Variants in TAF13 observed in about 807,000 individuals in gnomAD.
TAF13 encodes the protein TATA-box binding protein associated factor 13, also known as transcription initiation factor TFIID subunit 13.
Under a neutral mutation model 18.7 loss-of-function variants are expected in TAF13, and 9 were observed. The observed-to-expected ratio is 0.48, with a 90% CI of 0.29 to 0.84. TAF13 has a LOEUF of 0.84. Ranked by LOEUF, TAF13 falls within the 40% of genes least tolerant of loss-of-function variation. The pLI is 0.08. For synonymous variants in TAF13, 49 were observed against 44.1 expected (o/e 1.11, Z -0.44); for missense variants, 105 against 146.5 (o/e 0.72, Z 1.46).
intron 2 of TAF13, among the ~76,000 whole-genome samples, chr1:109,071,912 A>C (rs986516763): frequency 6.7e-6 from 1 of 149,034 alleles, no homozygotes; most frequent in Non-Finnish European, 1.5e-5. Context: ...AGATTGCGCC[A>C]TTACACTCCA....
intron 2 of TAF13, among the ~76,000 whole-genome samples, chr1:109,073,367 G>C (rs1467941522): frequency 6.6e-6 from 1 of 151,612 alleles, no homozygotes; most frequent in African/African-American, 2.4e-5. Context: ...GTGAAACCCC[G>C]TCTCTACAAA....
In TAF13 at chr1:109,064,607, A is replaced by G; in HGVS notation, c.291T>C (p.Phe97=). Residue 97 remains phenylalanine, a synonymous_variant, in exon 4 of 4, where the codon TTT becomes TTC. Coordinates refer to ENST00000338366, the MANE Select transcript of TAF13 (RefSeq NM_005645.4). The part of the protein sequence containing the change: ...VFLIRKDPRK[F]ARVKDLLTMN... The stretch of plus-strand genomic sequence containing the variant: ...TAGTAAGCAAGTCTTTAACCCTGGC[A>G]AACTTCCTTGGGTCCTTTCGAATCA... 6.3e-7 allele frequency: 1 copy of G among 1,587,608 alleles called. No individual in the cohort carries two copies. Among genetic ancestry groups the G allele is most frequent in the Non-Finnish European group, 8.6e-7 (1 of 1,167,664 alleles).
intron 2 of TAF13, among the ~76,000 whole-genome samples, chr1:109,069,194 AGTGT>A (rs1463264547): frequency 2.1e-5 from 2 of 95,400 alleles, no homozygotes; most frequent in African/African-American, 3.4e-5. Flanking sequence ...AGTGATTACA[AGTGT>A]GTGAGTGTGT....
At chr1:109,075,717 A>C (rs1040091884) in intron 1 of TAF13, among the ~76,000 whole-genome samples, 3 of 152,184 alleles carry the variant, frequency 2.0e-5, no homozygotes, top group Non-Finnish European at 4.4e-5. Context: ...ACAGACCAAA[A>C]TCAAGGGGAA....
chr1:109,071,816 G>C (rs538894059), intron 2 of TAF13, among the ~76,000 whole-genome samples: 1 of 151,198 alleles, frequency 6.6e-6, no homozygotes, highest in Admixed American at 6.6e-5. Flanking sequence ...GCTAGGCGTC[G>C]TGGCATGTGC....
chr1:109,074,447 C>A (rs200617120), intron 2 of TAF13, among the ~76,000 whole-genome samples: 1 of 152,086 alleles, frequency 6.6e-6, no homozygotes, highest in Non-Finnish European at 1.5e-5. Flanking sequence ...TGAGGAAGGC[C>A]GCAGGGTCCT....
chr1:109,075,925 G>T lies in TAF13; in HGVS notation c.23C>A (p.Pro8His). The change falls in exon 1 of 4, where the codon CCC (proline) becomes CAC (histidine). Residue 8 changes from proline to histidine, a missense_variant. Coordinates refer to ENST00000338366, the MANE Select transcript of TAF13 (RefSeq NM_005645.4). The stretch of plus-strand genomic sequence containing the variant: ...TGGACAGAGACGGTCACTCACCGTG[G>T]GGTCTTCTTCCTCATCTGCCATCCC... MADEEED[P>H]TFEEENEEIG... is the part of the protein sequence containing the mutation. 1.9e-6 allele frequency: 3 copies of T among 1,614,098 alleles called. No homozygotes were observed. Among genetic ancestry groups the T allele is most frequent in the East Asian group, 4.5e-5 (2 of 44,896 alleles).
intron 2 of TAF13, among the ~76,000 whole-genome samples, chr1:109,074,095 G>C (rs1447460779): frequency 6.6e-6 from 1 of 152,242 alleles, no homozygotes; most frequent in Non-Finnish European, 1.5e-5. Flanking sequence ...AGTTCATTGA[G>C]AACGGGCCAT....
chr1:109,074,556 C>T (rs1029181524), intron 2 of TAF13, among the ~76,000 whole-genome samples: 17 of 152,052 alleles, frequency 1.1e-4, no homozygotes, highest in African/African-American at 2.4e-5. Context: ...CTCTGAGAAA[C>T]ACCCAAGAAT....
intron 2 of TAF13, among the ~76,000 whole-genome samples, chr1:109,067,267 G>A (rs1027242860): frequency 9.2e-5 from 14 of 151,896 alleles, no homozygotes; most frequent in African/African-American, 3.1e-4. Flanking sequence ...AGACAAGCCT[G>A]GGCAACATGG....
chr1:109,071,045 C>T (rs1295658683), intron 2 of TAF13, among the ~76,000 whole-genome samples: 1 of 152,184 alleles, frequency 6.6e-6, no homozygotes, highest in Non-Finnish European at 1.5e-5. Flanking sequence ...GCCTGTAATC[C>T]TAGCACTTTG....
At chr1:109,069,202 AGTGT>A (rs59365913) in intron 2 of TAF13, among the ~76,000 whole-genome samples, 130 of 150,314 alleles carry the variant, frequency 8.6e-4, no homozygotes, top group African/African-American at 3.0e-3. Context: ...CAAGTGTGTG[AGTGT>A]GTGTGTGTGT....
chr1:109,066,761 A>G (rs982516891), intron 2 of TAF13, among the ~76,000 whole-genome samples: 34 of 152,098 alleles, frequency 2.2e-4, no homozygotes, highest in Non-Finnish European at 1.5e-5. Context: ...CTGTCGCCCA[A>G]GCTGGAGTGC....
chr1:109,072,709 T>G (rs963741331), intron 2 of TAF13, among the ~76,000 whole-genome samples: 9 of 151,864 alleles, frequency 5.9e-5, no homozygotes, highest in Non-Finnish European at 1.2e-4. Context: ...CCTCCCGAAG[T>G]GCTGGGATTA....
intron 2 of TAF13, among the ~76,000 whole-genome samples, chr1:109,074,161 A>C (rs894702038): frequency 6.6e-6 from 1 of 152,218 alleles, no homozygotes; most frequent in Non-Finnish European, 1.5e-5. Context: ...GAAAAGAAAG[A>C]GAGATCAGAT....
intron 2 of TAF13, among the ~76,000 whole-genome samples, chr1:109,068,199 G>A (rs112449786): frequency 0.06 from 9,197 of 152,238 alleles, 321 homozygotes; most frequent in African/African-American, 0.075. Flanking sequence ...GCAATGGCAC[G>A]ATCTCAACTC....
intron 2 of TAF13, among the ~76,000 whole-genome samples, chr1:109,072,684 G>C (rs1270254314): frequency 6.6e-6 from 1 of 151,782 alleles, no homozygotes; most frequent in African/African-American, 2.4e-5. Flanking sequence ...GGCTCAAGCA[G>C]TCCGCCTGCC....
intron 2 of TAF13, among the ~76,000 whole-genome samples, chr1:109,067,064 A>G (rs1056386191): frequency 1.3e-5 from 2 of 152,324 alleles, no homozygotes; most frequent in African/African-American, 4.8e-5. Flanking sequence ...AAAATGAGAA[A>G]GCAGAGGGCT....
chr1:109,075,462 C>G lies in TAF13; in HGVS notation c.28-397G>C, dbSNP rs187370391. On this transcript the variant is annotated intron_variant, in intron 1 of 3. Transcript: ENST00000338366. ...GCATTTGCTTATACAGTGCTAAAAA[C>G]GTTCCTTAAGTAAGCCCGTAACCCT... 3.0e-4 allele frequency among the ~76,000 whole-genome samples: 45 copies of G among 152,262 alleles called. 1 individual carries two copies. The East Asian group carries it at 8.5e-3, about 29-fold the overall frequency.
Sources: allele counts gnomAD v4.1 joint callset (sites outside exome capture counted in the v4.1 genomes callset), GRCh38; gene constraint gnomAD v4.1.1; transcripts MANE v1.5; gene names NCBI Gene and HGNC (gene_info 2026-07-23, HGNC 2026-07-21).